Variants in MVB12B observed in about 807,000 individuals in gnomAD.
MVB12B encodes ESCRT-I complex subunit MVB12B.
Under a neutral mutation model 41.6 loss-of-function variants are expected in MVB12B, and 16 were observed. The observed-to-expected ratio is 0.38, with a 90% CI of 0.26 to 0.58. The LOEUF (loss-of-function observed/expected upper bound fraction) is 0.58. Ranked by LOEUF, MVB12B falls within the 20% of genes least tolerant of loss-of-function variation. The pLI is 0.62. For synonymous variants in MVB12B, 133 were observed against 139.7 expected (o/e 0.95, Z 0.34); for missense variants, 274 against 380.2 (o/e 0.72, Z 2.32).
chr9:126,389,878 C>T lies in MVB12B; in HGVS notation c.410-2188C>T, dbSNP rs1193773334. Among the ~76,000 whole-genome samples the T allele has an allele frequency of 1.3e-5, 2 of 152,130 alleles. No individual in the cohort carries two copies. The highest frequency in any genetic ancestry group is 3.8e-4 in the East Asian group (2 of 5,200). On this transcript the variant is annotated intron_variant, in intron 4 of 9. Coordinates refer to ENST00000361171, the MANE Select transcript of MVB12B (RefSeq NM_033446.3). The surrounding 1 kb of genome is among the most constrained non-coding windows in gnomAD (Gnocchi z 4.4). Reference sequence around the variant, plus strand: ...CAATGTTTAGGGTCTGGATTCAGAACGTTGTTTCTCTCTGCTCGTAGATCT... The same window carrying T: ...CAATGTTTAGGGTCTGGATTCAGAATGTTGTTTCTCTCTGCTCGTAGATCT...
At position 126,395,483 on chromosome 9, in the gene MVB12B, C is replaced by T; in HGVS notation, c.540-92C>T. The T allele has an allele frequency of 1.4e-6, 2 of 1,472,640 alleles. No homozygotes were observed. The highest frequency in any genetic ancestry group is 4.5e-5 in the East Asian group (2 of 43,996). 91.2% of individuals were successfully genotyped at this position (1,472,640 alleles called of 1,614,324 possible). A position where few individuals can be genotyped will look rare whatever the true frequency, so the allele number is the denominator to read the frequency against. On this transcript the variant is annotated intron_variant, in intron 5 of 9. Coordinates refer to ENST00000361171, the MANE Select transcript of MVB12B (RefSeq NM_033446.3). This position sits in a 1 kb window ranked among gnomAD's most constrained non-coding sequence, Gnocchi z 4.9. ...GAATTGATTCCCTGGTGTTTGAGGC[C>T]ATGACTCTTTTAAATGAATTGGTTT...
rs1470791554 is a variant in MVB12B at position 126,389,507 on chromosome 9, T to C, written c.410-2559T>C. On this transcript the variant is annotated intron_variant, in intron 4 of 9. Coordinates refer to ENST00000361171, the MANE Select transcript of MVB12B (RefSeq NM_033446.3). This position sits in a 1 kb window ranked among gnomAD's most constrained non-coding sequence, Gnocchi z 4.4. The stretch of plus-strand genomic sequence containing the variant: ...ACATTTCTATTGACTATGTATAATA[T>C]GTTTACTTAAAATTAGGCCTGCTTA... 6.6e-6 allele frequency among the ~76,000 whole-genome samples: 1 copy of C among 152,226 alleles called. No individual in the cohort carries two copies. The highest frequency in any genetic ancestry group is 1.5e-5 in the Non-Finnish European group (1 of 68,030).
chr9:126,461,003 A>T (rs529259163), intron 7 of MVB12B, among the ~76,000 whole-genome samples: 1 of 152,220 alleles, frequency 6.6e-6, no homozygotes, highest in Non-Finnish European at 1.5e-5. Flanking sequence ...TGCGATTTAC[A>T]GGACTGGTGA....
At chr9:126,397,429 T>G (rs1421104242) in intron 6 of MVB12B, 1 of 985,336 alleles carries the variant, frequency 1.0e-6, no homozygotes, top group Non-Finnish European at 1.2e-6. Flanking sequence ...ATAAGGCTTA[T>G]GTATTTTATC....
At position 126,342,873 on chromosome 9, in the gene MVB12B, C is replaced by T. The variant is rs577539910; in HGVS notation, c.204+2243C>T. ...TGGCTAGGCTGCAGAGATGCTTAGA[C>T]AGAACTCCAGCAGATGAGGAAGCCC... On this transcript the variant is annotated intron_variant, in intron 2 of 9. Coordinates refer to ENST00000361171, the MANE Select transcript of MVB12B (RefSeq NM_033446.3). Among the ~76,000 whole-genome samples the T allele has an allele frequency of 2.0e-5, 3 of 152,338 alleles. No individual in the cohort carries two copies. In the South Asian group the frequency reaches 6.2e-4, roughly 32 times the overall value.
intron 2 of MVB12B, among the ~76,000 whole-genome samples, chr9:126,352,962 G>A (rs909583635): frequency 5.3e-5 from 8 of 152,114 alleles, no homozygotes; most frequent in African/African-American, 1.7e-4. Context: ...AAAATGCTGC[G>A]GAGCCATCTT....
intron 7 of MVB12B, among the ~76,000 whole-genome samples, chr9:126,464,699 CA>C (rs1285687559): frequency 6.6e-6 from 1 of 152,202 alleles, no homozygotes; most frequent in Non-Finnish European, 1.5e-5. Flanking sequence ...TCTCCACTTC[CA>C]TCTTCAGATG....
chr9:126,424,178 A>G (rs1832104924), intron 7 of MVB12B, among the ~76,000 whole-genome samples: 1 of 152,218 alleles, frequency 6.6e-6, no homozygotes, highest in African/African-American at 2.4e-5. Flanking sequence ...TAGAAATTTG[A>G]AAAACAGCCC....
intron 7 of MVB12B, among the ~76,000 whole-genome samples, chr9:126,472,483 A>AC (rs397750922): frequency 6.8e-6 from 1 of 148,086 alleles, no homozygotes; most frequent in Non-Finnish European, 1.5e-5. Context: ...AAAAAAAAAA[A>AC]CCCACCACCC....
chr9:126,455,928 T>C (rs1412415087), intron 7 of MVB12B, among the ~76,000 whole-genome samples: 2 of 149,818 alleles, frequency 1.3e-5, no homozygotes, highest in East Asian at 1.9e-4. Context: ...TCTTGCTCTT[T>C]TGCCCAGGCT....
At chr9:126,500,477 A>C (rs1833931079) in intron 9 of MVB12B, among the ~76,000 whole-genome samples, 1 of 149,678 alleles carries the variant, frequency 6.7e-6, no homozygotes, top group South Asian at 2.1e-4. Context: ...ACCCATTCCC[A>C]GGTTCCAGTG....
intron 7 of MVB12B, among the ~76,000 whole-genome samples, chr9:126,440,691 A>AT (rs914057982): frequency 9.9e-4 from 148 of 149,910 alleles, no homozygotes; most frequent in African/African-American, 1.7e-3. Flanking sequence ...TGAAAAGTAC[A>AT]TTTTTTTTTT....
At chr9:126,423,912 A>C (rs958979209) in intron 7 of MVB12B, among the ~76,000 whole-genome samples, 2 of 152,244 alleles carry the variant, frequency 1.3e-5, no homozygotes, top group Non-Finnish European at 2.9e-5. Context: ...AAAACAGTTA[A>C]GGCAAAGTGT....
chr9:126,404,977 T>G (rs1831378605), intron 6 of MVB12B, among the ~76,000 whole-genome samples: 3 of 152,214 alleles, frequency 2.0e-5, no homozygotes, highest in African/African-American at 7.2e-5. Context: ...AGTTCGGTAT[T>G]GTTAGATATG....
intron 9 of MVB12B, among the ~76,000 whole-genome samples, chr9:126,497,566 T>C (rs575050247): frequency 6.6e-5 from 10 of 152,238 alleles, no homozygotes; most frequent in African/African-American, 2.2e-4. Flanking sequence ...GTCACAGCCC[T>C]GAGCTCCAGG....
intron 7 of MVB12B, among the ~76,000 whole-genome samples, chr9:126,441,561 C>T (rs996908558): frequency 2.0e-5 from 3 of 152,152 alleles, no homozygotes; most frequent in Non-Finnish European, 2.9e-5. Context: ...CTGGGGCTAT[C>T]GTTTCTTAAC....
At chr9:126,377,165 A>G (rs1201737026) in intron 2 of MVB12B, among the ~76,000 whole-genome samples, 3 of 152,206 alleles carry the variant, frequency 2.0e-5, no homozygotes. Context: ...CCATGTGTAC[A>G]TTCCGCCACT....
chr9:126,361,635 C>G (rs1830032207), intron 2 of MVB12B, among the ~76,000 whole-genome samples: 1 of 152,002 alleles, frequency 6.6e-6, no homozygotes, highest in South Asian at 2.1e-4. Flanking sequence ...GATATATTCT[C>G]TCAGCTTTTG....
intron 7 of MVB12B, among the ~76,000 whole-genome samples, chr9:126,437,581 C>A (rs1192203363): frequency 6.6e-6 from 1 of 152,166 alleles, no homozygotes; most frequent in Non-Finnish European, 1.5e-5. Flanking sequence ...GGACAGAAAA[C>A]CGGAGACAGT....
Sources: allele counts gnomAD v4.1 joint callset (sites outside exome capture counted in the v4.1 genomes callset), GRCh38; gene constraint gnomAD v4.1.1; non-coding constraint Gnocchi (gnomAD v3.1); transcripts MANE v1.5; gene names NCBI Gene and HGNC (gene_info 2026-07-23, HGNC 2026-07-21).